DOCK3: variants seen among roughly 807,000 people sequenced by gnomAD.
DOCK3 encodes the protein dedicator of cytokinesis 3.
DOCK3 carries 60 observed loss-of-function variants against 265.6 expected under a neutral mutation model. That is an observed-to-expected ratio of 0.23 (90% CI 0.18 to 0.28). The LOEUF (loss-of-function observed/expected upper bound fraction) is 0.28, where lower values mean the gene tolerates loss of function less well. Among genes scored for constraint, DOCK3 ranks in the 10% least tolerant of loss-of-function variants. The probability of loss-of-function intolerance (pLI) is 1.00; values close to 1 mark genes in which losing one functional copy is unlikely to be tolerated. For synonymous variants in DOCK3, 881 were observed against 938.0 expected (o/e 0.94, Z 1.11); for missense variants, 1,981 against 2,594.3 (o/e 0.76, Z 5.14).
chr3:51,340,694 C>A (rs985354307), intron 37 of DOCK3, among the ~76,000 whole-genome samples: 1 of 152,154 alleles, frequency 6.6e-6, no homozygotes, highest in African/African-American at 2.4e-5. Flanking sequence ...TATGACTCAT[C>A]CCTTGGAATG....
chr3:50,796,577 A>G (rs377613195), intron 2 of DOCK3, among the ~76,000 whole-genome samples: 14 of 151,768 alleles, frequency 9.2e-5, no homozygotes, highest in East Asian at 3.9e-4. Flanking sequence ...ACTTCAGGTG[A>G]TTTGCCCACC....
chr3:50,897,458 T>G (rs1421872949), intron 4 of DOCK3, among the ~76,000 whole-genome samples: 3 of 152,180 alleles, frequency 2.0e-5, no homozygotes, highest in Non-Finnish European at 2.9e-5. Flanking sequence ...CTCTTCCTAT[T>G]TGAATACCCT....
In DOCK3 at chr3:51,200,277, A is replaced by G. The variant is rs568326512; in HGVS notation, c.1038-8497A>G. On this transcript the variant is annotated intron_variant, in intron 12 of 52. Coordinates refer to ENST00000266037, the MANE Select transcript of DOCK3 (RefSeq NM_004947.5). ...CAAACCAAAGGCAAAGAAGTTAAAA[A>G]CTTTGAAAAAAATTTAGACGAATGT... Among the ~76,000 whole-genome samples, 4 of 151,846 alleles carry G rather than the reference A, an allele frequency of 2.6e-5. No individual in the cohort carries two copies. The South Asian group carries it at 6.2e-4, about 24-fold the overall frequency.
intron 4 of DOCK3, among the ~76,000 whole-genome samples, chr3:50,915,503 G>T (rs79802124): frequency 0.014 from 2,064 of 152,168 alleles, 41 homozygotes; most frequent in Non-Finnish European, 0.016. Flanking sequence ...GTATTGTGTG[G>T]CCTGTAGGGC....
chr3:51,288,831 A>AT (rs1363244606), intron 27 of DOCK3, among the ~76,000 whole-genome samples: 1 of 151,388 alleles, frequency 6.6e-6, no homozygotes, highest in Non-Finnish European at 1.5e-5. Flanking sequence ...AACAGATTTT[A>AT]TTTTTTATTT....
intron 9 of DOCK3, among the ~76,000 whole-genome samples, chr3:51,097,613 A>G (rs2109674501): frequency 6.6e-6 from 1 of 152,258 alleles, no homozygotes; most frequent in Non-Finnish European, 1.5e-5. Flanking sequence ...AGGAGAGTGA[A>G]CGGTTCTGTC....
intron 3 of DOCK3, among the ~76,000 whole-genome samples, chr3:50,844,950 C>T (rs962677173): frequency 2.6e-5 from 4 of 152,274 alleles, no homozygotes; most frequent in South Asian, 2.1e-4. Context: ...TGGCCAGGCA[C>T]GGTAGCTCTT....
At chr3:51,182,956 C>T (rs1290498828) in intron 12 of DOCK3, among the ~76,000 whole-genome samples, 1 of 152,206 alleles carries the variant, frequency 6.6e-6, no homozygotes, top group East Asian at 1.9e-4. Context: ...TATTTCCTCT[C>T]TGAGTACAGT....
At chr3:50,919,733 AC>A (rs1417152106) in intron 4 of DOCK3, among the ~76,000 whole-genome samples, 1 of 152,010 alleles carries the variant, frequency 6.6e-6, no homozygotes, top group Non-Finnish European at 1.5e-5. Context: ...CTAATTAAAT[AC>A]CCTTTATTTC....
chr3:51,276,945 C>G (rs1332733338), intron 25 of DOCK3, among the ~76,000 whole-genome samples: 1 of 152,174 alleles, frequency 6.6e-6, no homozygotes, highest in South Asian at 2.1e-4. Context: ...AGTGAGGAGA[C>G]ATGCTCCATT....
chr3:50,705,278 G>A (rs1166980708), intron 1 of DOCK3, among the ~76,000 whole-genome samples: 2 of 152,066 alleles, frequency 1.3e-5, no homozygotes, highest in African/African-American at 2.4e-5. Context: ...ATCTTGAACT[G>A]TAATCCCCAC....
chr3:51,155,440 A>G (rs1432219811), intron 10 of DOCK3, among the ~76,000 whole-genome samples: 2 of 152,216 alleles, frequency 1.3e-5, no homozygotes, highest in Non-Finnish European at 2.9e-5. Flanking sequence ...CTGAGACTTG[A>G]GTTCTTCCTA....
chr3:50,698,399 A>T (rs1487871121), intron 1 of DOCK3, among the ~76,000 whole-genome samples: 1 of 149,984 alleles, frequency 6.7e-6, no homozygotes, highest in Non-Finnish European at 1.5e-5. Context: ...GATATACTAT[A>T]TTTGTCCATT....
At chr3:51,230,860 A>G (rs935539543) in intron 19 of DOCK3, among the ~76,000 whole-genome samples, 4 of 152,046 alleles carry the variant, frequency 2.6e-5, no homozygotes, top group African/African-American at 9.7e-5. Flanking sequence ...ATGGGCACCT[A>G]GATTGATTCC....
intron 9 of DOCK3, among the ~76,000 whole-genome samples, chr3:51,145,154 C>T (rs1171374321): frequency 1.3e-5 from 2 of 152,014 alleles, no homozygotes; most frequent in African/African-American, 2.4e-5. Flanking sequence ...AGCTATAACA[C>T]ATCATTTCTT....
chr3:50,685,583 T>C (rs2034736049), intron 1 of DOCK3: 1 of 155,484 alleles, frequency 6.4e-6, no homozygotes, highest in South Asian at 2.0e-4. Context: ...GATGAAGTTC[T>C]CATCAGATCT....
intron 3 of DOCK3, among the ~76,000 whole-genome samples, chr3:50,874,299 C>T (rs548852165): frequency 6.6e-6 from 1 of 151,536 alleles, no homozygotes; most frequent in African/African-American, 2.4e-5. Flanking sequence ...CCCAGAAGTT[C>T]GAGACCAGCC....
intron 1 of DOCK3, among the ~76,000 whole-genome samples, chr3:50,679,500 A>AAAAC (rs141544909): frequency 5.8e-4 from 88 of 152,234 alleles, no homozygotes; most frequent in East Asian, 5.2e-3. Context: ...AAAGCACTTA[A>AAAAC]AAACAAACAA....
At chr3:51,306,185 G>C (rs947746070) in intron 27 of DOCK3, among the ~76,000 whole-genome samples, 23 of 151,864 alleles carry the variant, frequency 1.5e-4, no homozygotes, top group Admixed American at 6.6e-4. Flanking sequence ...GTTTTGAATG[G>C]TAGTTTTGCT....
Sources: allele counts gnomAD v4.1 joint callset (sites outside exome capture counted in the v4.1 genomes callset), GRCh38; gene constraint gnomAD v4.1.1; transcripts MANE v1.5; gene names NCBI Gene and HGNC (gene_info 2026-07-23, HGNC 2026-07-21).